TENM4: variants seen among roughly 807,000 people sequenced by gnomAD.
TENM4 encodes teneurin transmembrane protein 4.
Under a neutral mutation model 243.3 loss-of-function variants are expected in TENM4, and 82 were observed. The observed-to-expected ratio is 0.34, with a 90% CI of 0.28 to 0.40. The LOEUF (loss-of-function observed/expected upper bound fraction) is 0.40, where lower values mean the gene tolerates loss of function less well. Ranked by LOEUF, TENM4 falls within the 10% of genes least tolerant of loss-of-function variation. TENM4 has a pLI of 1.00. For synonymous variants in TENM4, 1,412 were observed against 1,456.3 expected, an observed-to-expected ratio of 0.97 and a Z score of 0.69; for missense variants, 3,138 against 3,673.3, an observed-to-expected ratio of 0.85 and a Z score of 3.77.
chr11:79,208,144 T>G (rs11237761), intron 3 of TENM4, among the ~76,000 whole-genome samples: 5,839 of 152,166 alleles, frequency 0.038, 206 homozygotes, highest in East Asian at 0.18. Flanking sequence ...AGAGCACGGG[T>G]CATCGGCATC....
intron 6 of TENM4, among the ~76,000 whole-genome samples, chr11:78,999,986 C>A (rs1371967738): frequency 1.3e-5 from 2 of 152,142 alleles, no homozygotes; most frequent in East Asian, 3.9e-4. Context: ...TGTTGAAAGC[C>A]AAAGACACAG....
chr11:78,720,416 A>G, intron 24 of TENM4, 26 bp from the exon 25 acceptor site: 1 of 1,613,792 alleles, frequency 6.2e-7, no homozygotes, highest in Non-Finnish European at 8.5e-7. Flanking sequence ...AGAGCAGGGA[A>G]TAGAAGAAAG....
intron 1 of TENM4, among the ~76,000 whole-genome samples, chr11:79,375,294 A>C (rs1222340297): frequency 6.6e-6 from 1 of 152,180 alleles, no homozygotes; most frequent in Non-Finnish European, 1.5e-5. Flanking sequence ...ATATGTTCTT[A>C]TTTAAAAAAT....
intron 9 of TENM4, among the ~76,000 whole-genome samples, chr11:78,865,468 T>A (rs1858947017): frequency 6.6e-6 from 1 of 152,210 alleles, no homozygotes; most frequent in Non-Finnish European, 1.5e-5. Context: ...CCCCCTTTTG[T>A]ACATCAAACA....
chr11:78,672,419 A>C, intron 30 of TENM4, 90 bp from the exon 31 acceptor site: 1 of 1,433,834 alleles, frequency 7.0e-7, no homozygotes, highest in Non-Finnish European at 9.5e-7. Flanking sequence ...CTCTGCTGGG[A>C]AGCTCTTGAG....
intron 25 of TENM4, among the ~76,000 whole-genome samples, chr11:78,717,896 G>T (rs990536522): frequency 6.6e-6 from 1 of 152,204 alleles, no homozygotes; most frequent in African/African-American, 2.4e-5. Context: ...TCTGGGACGA[G>T]GCAAAGATGC....
At chr11:79,376,181 G>T (rs1305814491) in intron 1 of TENM4, among the ~76,000 whole-genome samples, 2 of 152,226 alleles carry the variant, frequency 1.3e-5, no homozygotes, top group East Asian at 3.9e-4. Context: ...GACAAGCCCT[G>T]TCAGCTGCAG....
At chr11:78,711,989 T>A (rs1187918390) in intron 26 of TENM4, among the ~76,000 whole-genome samples, 1 of 152,226 alleles carries the variant, frequency 6.6e-6, no homozygotes, top group African/African-American at 2.4e-5. Flanking sequence ...TTTGAGGGAC[T>A]CAGAATTGAG....
intron 29 of TENM4, among the ~76,000 whole-genome samples, chr11:78,686,124 G>A (rs1203378130): frequency 6.6e-6 from 1 of 152,236 alleles, no homozygotes; most frequent in Non-Finnish European, 1.5e-5. Context: ...GAAGGAATGA[G>A]TGCTGCACAG....
intron 1 of TENM4, among the ~76,000 whole-genome samples, chr11:79,340,676 C>G (rs1857227376): frequency 6.6e-6 from 1 of 152,130 alleles, no homozygotes; most frequent in South Asian, 2.1e-4. Flanking sequence ...GGCAGGCTTT[C>G]CTTCTATGCC....
At chr11:79,043,317 TGGTGCATGGAA>T (rs912491417) in intron 6 of TENM4, among the ~76,000 whole-genome samples, 3 of 152,236 alleles carry the variant, frequency 2.0e-5, no homozygotes, top group African/African-American at 7.2e-5. Flanking sequence ...CTTCTGCTTC[TGGTGCATGGAA>T]GGTGCACGTT....
At chr11:78,966,495 C>T (rs1281646254) in intron 6 of TENM4, among the ~76,000 whole-genome samples, 1 of 151,914 alleles carries the variant, frequency 6.6e-6, no homozygotes, top group Admixed American at 6.6e-5. Context: ...GAGGGAGATA[C>T]AATTAGGAAG....
intron 9 of TENM4, among the ~76,000 whole-genome samples, chr11:78,887,594 A>C (rs1855574739): frequency 6.6e-6 from 1 of 152,364 alleles, no homozygotes; most frequent in East Asian, 1.9e-4. Context: ...CAACGTTGGA[A>C]GGAAAATTAA....
chr11:78,705,866 A>G (rs1301947921), intron 27 of TENM4, among the ~76,000 whole-genome samples: 1 of 152,228 alleles, frequency 6.6e-6, no homozygotes, highest in Non-Finnish European at 1.5e-5. Context: ...GGGATAACAC[A>G]TATTACATAG....
chr11:78,688,339 T>C, intron 28 of TENM4, 113 bp from the exon 29 acceptor site: 2 of 1,194,758 alleles, frequency 1.7e-6, no homozygotes, highest in Non-Finnish European at 2.4e-6. Flanking sequence ...TCTTTCTGGC[T>C]GGATACATTC....
At chr11:78,968,514 A>G (rs988120076) in intron 6 of TENM4, among the ~76,000 whole-genome samples, 2 of 152,184 alleles carry the variant, frequency 1.3e-5, no homozygotes, top group Non-Finnish European at 2.9e-5. Context: ...TTTTCTTTAT[A>G]AAGAAACTCA....
intron 19 of TENM4, among the ~76,000 whole-genome samples, chr11:78,748,271 C>T (rs188510509): frequency 6.6e-6 from 1 of 152,270 alleles, no homozygotes; most frequent in African/African-American, 2.4e-5. Context: ...AACTTAATCC[C>T]CACAAAATCC....
At chr11:79,289,568 C>T (rs1856318787) in intron 2 of TENM4, among the ~76,000 whole-genome samples, 1 of 152,238 alleles carries the variant, frequency 6.6e-6, no homozygotes. Context: ...GTGGAATCAG[C>T]TGACATTTTT....
chr11:78,865,761 C>CT (rs1858959473), intron 9 of TENM4, among the ~76,000 whole-genome samples: 1 of 152,168 alleles, frequency 6.6e-6, no homozygotes, highest in Non-Finnish European at 1.5e-5. Context: ...CGACACTTTG[C>CT]TTTTTTCTTT....
Sources: allele counts gnomAD v4.1 joint callset (sites outside exome capture counted in the v4.1 genomes callset), GRCh38; gene constraint gnomAD v4.1.1; transcripts MANE v1.5; gene names NCBI Gene and HGNC (gene_info 2026-07-23, HGNC 2026-07-21).